Variants in SYNRG observed in about 807,000 individuals in gnomAD.
The protein encoded by SYNRG is AP1 gamma subunit binding protein 1.
A neutral mutation model predicts 130.9 loss-of-function variants in SYNRG; 37 were observed. The observed-to-expected ratio is 0.28, with a 90% CI of 0.22 to 0.37. SYNRG has a LOEUF of 0.37. Among genes scored for constraint, SYNRG ranks in the 10% least tolerant of loss-of-function variants. The probability of loss-of-function intolerance (pLI) is 1.00; values close to 1 mark genes in which losing one functional copy is unlikely to be tolerated. For synonymous variants in SYNRG, 539 were observed against 568.1 expected (o/e 0.95, Z 0.73); for missense variants, 1,338 against 1,588.9 (o/e 0.84, Z 2.68).
At chr17:37,565,239 G>T (rs1452958332) in intron 11 of SYNRG, among the ~76,000 whole-genome samples, 1 of 151,806 alleles carries the variant, frequency 6.6e-6, no homozygotes, top group Non-Finnish European at 1.5e-5. Context: ...ACTTTAGCCT[G>T]GAGACAGAGC....
intron 15 of SYNRG, chr17:37,541,656 C>T: frequency 2.6e-6 from 1 of 388,902 alleles, no homozygotes; most frequent in East Asian, 4.3e-5. Flanking sequence ...ATGAGCGGAG[C>T]TAATGTGCCT....
intron 8 of SYNRG, among the ~76,000 whole-genome samples, chr17:37,573,661 G>T (rs574830767): frequency 2.6e-5 from 4 of 152,180 alleles, no homozygotes; most frequent in African/African-American, 9.6e-5. Flanking sequence ...TACTATTTTG[G>T]TAACAGCCTT....
chr17:37,527,818 C>A (rs144001435), intron 19 of SYNRG, among the ~76,000 whole-genome samples: 16 of 152,212 alleles, frequency 1.1e-4, no homozygotes, highest in East Asian at 3.9e-4. Flanking sequence ...CAATTCCCCC[C>A]CCATGGACAG....
chr17:37,553,453 C>T lies in SYNRG; in HGVS notation c.2270G>A (p.Gly757Glu). Residue 757 changes from glycine to glutamate, a missense_variant, in exon 14 of 22, where the codon GGA (glycine) becomes GAA (glutamate). Physicochemically the swap from Gly to Glu is moderately conservative, Grantham distance 98. Transcript: ENST00000612223. ...ATCTTTCAGGTCTTCAACACCTAGT[C>T]CAGACCCTTCCAGAGAAAGTTGTCT... ...VFRQLSLEGS[G>E]LGVEDLKDNT... is the part of the protein sequence containing the mutation. 2.5e-6 allele frequency: 4 copies of T among 1,614,168 alleles called. No individual in the cohort carries two copies. In the South Asian group the frequency reaches 3.3e-5, roughly 13 times the overall value.
intron 10 of SYNRG, 36 bp from the exon 11 acceptor site, chr17:37,568,960 G>T: frequency 6.3e-7 from 1 of 1,581,488 alleles, no homozygotes; most frequent in South Asian, 1.2e-5. Context: ...AAATAGCACT[G>T]ACTGACAAAA....
At chr17:37,594,220 T>C (rs1230456323) in intron 3 of SYNRG, among the ~76,000 whole-genome samples, 1 of 144,658 alleles carries the variant, frequency 6.9e-6, no homozygotes, top group Non-Finnish European at 1.5e-5. Context: ...TATTAATTAT[T>C]TTAATTATAT....
chr17:37,529,538 C>A (rs201729059), intron 19 of SYNRG, among the ~76,000 whole-genome samples: 1,943 of 123,422 alleles, frequency 0.016, no homozygotes, highest in African/African-American at 0.037. Flanking sequence ...ATATATTTTA[C>A]AAAAAAAAAA....
intron 15 of SYNRG, chr17:37,541,319 A>G: frequency 1.1e-6 from 1 of 935,306 alleles, no homozygotes. Flanking sequence ...CCAGGCAAGT[A>G]AAGTGAACAA....
chr17:37,562,638 G>A (rs1382295442), intron 11 of SYNRG, among the ~76,000 whole-genome samples: 1 of 152,056 alleles, frequency 6.6e-6, no homozygotes, highest in Admixed American at 6.6e-5. Context: ...ATGCTAATGG[G>A]GTACACAGTC....
At chr17:37,573,181 G>A (rs1411190846) in intron 8 of SYNRG, among the ~76,000 whole-genome samples, 1 of 152,046 alleles carries the variant, frequency 6.6e-6, no homozygotes, top group East Asian at 1.9e-4. Flanking sequence ...AGGTGGGCGG[G>A]TCACAAGGTC....
In SYNRG at chr17:37,592,636, T is replaced by C. The variant is rs528349186; in HGVS notation, c.240+3587A>G. ...ATACATGCAACAATTTGGATGAATCTGAAGGGATTATTCTAAGCGACAAAC... is the reference window on the plus strand; with the variant it reads ...ATACATGCAACAATTTGGATGAATCCGAAGGGATTATTCTAAGCGACAAAC... On this transcript the variant is annotated intron_variant, in intron 3 of 21. Coordinates refer to ENST00000612223, the MANE Select transcript of SYNRG (RefSeq NM_007247.6). Among the ~76,000 whole-genome samples, 6 of 152,304 alleles carry C rather than the reference T, an allele frequency of 3.9e-5. No homozygotes were observed. The South Asian group carries it at 1.2e-3, about 32-fold the overall frequency.
intron 15 of SYNRG, 166 bp downstream of exon 15, chr17:37,541,805 CG>C: frequency 1.4e-6 from 1 of 695,274 alleles, no homozygotes; most frequent in Non-Finnish European, 2.4e-6. Flanking sequence ...TTTTGACTCC[CG>C]TCTCAGGGAA....
intron 2 of SYNRG, 75 bp from the exon 3 acceptor site, chr17:37,596,419 A>G (rs1179280307): frequency 2.6e-6 from 4 of 1,536,888 alleles, no homozygotes; most frequent in Non-Finnish European, 2.6e-6. Context: ...TACCTAAAGG[A>G]CTTGTTACTT....
chr17:37,524,520 A>G (rs1349272430), intron 19 of SYNRG, among the ~76,000 whole-genome samples: 6 of 152,270 alleles, frequency 3.9e-5, no homozygotes, highest in African/African-American at 1.4e-4. Flanking sequence ...TGTGTGCAAA[A>G]GGACTCTGGT....
At chr17:37,582,049 A>G (rs963731673) in intron 6 of SYNRG, among the ~76,000 whole-genome samples, 1 of 152,038 alleles carries the variant, frequency 6.6e-6, no homozygotes, top group Non-Finnish European at 1.5e-5. Context: ...AGGCTTGAGC[A>G]ACCGCACCTG....
intron 2 of SYNRG, among the ~76,000 whole-genome samples, chr17:37,598,461 T>TAA (rs2062973134): frequency 6.6e-6 from 1 of 152,254 alleles, no homozygotes; most frequent in Non-Finnish European, 1.5e-5. Flanking sequence ...TCTTTGGACT[T>TAA]AAAGTTTTAT....
In SYNRG at chr17:37,570,719, A is replaced by G. The variant is rs2060363002; in HGVS notation, c.1265T>C (p.Met422Thr). ...SMPLSLGQPV[M>T]GINLVGPVGG... ...CACTGGTCCAACAAGGTTAATGCCC[A>G]TGACTGGCTGTCCAAGGCTGAGGGG... Residue 422 changes from methionine to threonine, a missense_variant, in exon 10 of 22, where the codon ATG becomes ACG. By Grantham distance (81) the Met-to-Thr change is moderately conservative. Transcript: ENST00000612223. 4.3e-6 allele frequency: 7 copies of G among 1,614,120 alleles called. No individual in the cohort carries two copies. Among genetic ancestry groups the G allele is most frequent in the Non-Finnish European group, 5.9e-6 (7 of 1,180,048 alleles).
chr17:37,558,006 C>T (rs2059246726), intron 13 of SYNRG, among the ~76,000 whole-genome samples: 1 of 152,112 alleles, frequency 6.6e-6, no homozygotes, highest in Non-Finnish European at 1.5e-5. Context: ...CTCTTTACTC[C>T]AAACTTATCT....
At chr17:37,527,661 T>C (rs969836510) in intron 19 of SYNRG, among the ~76,000 whole-genome samples, 16 of 152,204 alleles carry the variant, frequency 1.1e-4, no homozygotes, top group Non-Finnish European at 1.8e-4. Flanking sequence ...AGCATTTACA[T>C]TGTATTAGGT....
Sources: gnomAD v4.1 joint callset for allele counts (sites outside exome capture counted in the v4.1 genomes callset) on GRCh38, gnomAD v4.1.1 for gene constraint, MANE v1.5 for transcripts, NCBI Gene and HGNC (gene_info 2026-07-23, HGNC 2026-07-21) for gene names.